Variants in CTDSP1 observed in about 807,000 individuals in gnomAD.
CTDSP1 encodes CTD small phosphatase 1.
CTDSP1 carries 15 observed loss-of-function variants against 32.5 expected under a neutral mutation model. The observed-to-expected ratio is 0.46, with a 90% CI of 0.31 to 0.71. CTDSP1 has a LOEUF of 0.71. Ranked by LOEUF, CTDSP1 falls within the 30% of genes least tolerant of loss-of-function variation. CTDSP1 has a pLI of 0.05. For missense variants in CTDSP1, 294 were observed against 351.1 expected, an observed-to-expected ratio of 0.84 and a Z score of 1.30; for synonymous variants, 185 against 145.4, an observed-to-expected ratio of 1.27 and a Z score of -1.96.
chr2:218,398,617 C>T, upstream of CTDSP1: 2 of 516,532 alleles, frequency 3.9e-6, no homozygotes, highest in South Asian at 3.2e-5. Flanking sequence ...GGCTCCCCCT[C>T]GGCAGGGCCT....
At chr2:218,400,878 G>A (rs1403632271) in intron 1 of CTDSP1, 3 of 455,914 alleles carry the variant, frequency 6.6e-6, no homozygotes, top group African/African-American at 2.0e-5. Context: ...TGGACCTCAG[G>A]ATCTGGACGC....
chr2:218,403,641 G>C, intron 6 of CTDSP1: 1 of 456,546 alleles, frequency 2.2e-6, no homozygotes, highest in Non-Finnish European at 3.8e-6. Flanking sequence ...CCATGCACAG[G>C]GGCCCCCACA....
chr2:218,401,823 TGCAGAGTAGGAGGGTG>T, intron 2 of CTDSP1, 111 bp downstream of exon 2: 1 of 1,107,836 alleles, frequency 9.0e-7, no homozygotes, highest in Non-Finnish European at 1.3e-6. Flanking sequence ...ACCTGAAAGG[TGCAGAGTAGGAGGGTG>T]GCAGCCTCCC....
At chr2:218,398,226 G>C, upstream of CTDSP1, 1 of 596,356 alleles carries the variant, frequency 1.7e-6, no homozygotes, top group East Asian at 3.2e-5. Context: ...TCCCAGGCTG[G>C]AATCCCGCCT....
chr2:218,402,557 G>C (rs1697204846), intron 4 of CTDSP1, 152 bp downstream of exon 4: 14 of 832,130 alleles, frequency 1.7e-5, no homozygotes, highest in Non-Finnish European at 2.7e-5. Flanking sequence ...AAGTCACACA[G>C]AACCTCAAGG....
chr2:218,400,866 T>C, intron 1 of CTDSP1: 1 of 455,872 alleles, frequency 2.2e-6, no homozygotes, highest in South Asian at 1.5e-5. Context: ...CTTTTCCCCG[T>C]GTGGACCTCA....
rs543713782 is a variant in CTDSP1 at position 218,404,549 on chromosome 2, C to T, written c.*124C>T. The T allele has an allele frequency of 9.4e-5, 119 of 1,262,034 alleles. 1 individual carries two copies. Among genetic ancestry groups the T allele is most frequent in the African/African-American group, 8.1e-4 (55 of 67,656 alleles). 78.2% of individuals were successfully genotyped at this position (1,262,034 alleles called of 1,614,324 possible). On this transcript the variant is annotated 3_prime_UTR_variant, in exon 7 of 7. Transcript: ENST00000273062. ...CGCCACACTCAGTGCCATGGGGAAG[C>T]GGGCGTCTCCCCCACCAGCCCCACC...
rs1050876970 is a variant in CTDSP1, at chr2:218,404,809, G to C, written c.*384G>C. On this transcript the variant is annotated 3_prime_UTR_variant, in exon 7 of 7. Coordinates refer to ENST00000273062, the MANE Select transcript of CTDSP1 (RefSeq NM_021198.3). ...TGCCTTGGACCCCCAGTCTGGGAAC[G>C]GTGGACATCAAGTGCCTTGCATAGA... 5.4e-6 allele frequency: 1 copy of C among 186,512 alleles called. No homozygotes were observed. The highest frequency in any genetic ancestry group is 2.3e-5 in the African/African-American group (1 of 42,702). 11.6% of individuals were successfully genotyped at this position (186,512 alleles called of 1,614,324 possible).
intron 6 of CTDSP1, 21 bp downstream of exon 6, chr2:218,403,438 G>T (rs1697259088): frequency 6.4e-7 from 1 of 1,560,228 alleles, no homozygotes; most frequent in African/African-American, 1.3e-5. Flanking sequence ...GCTGGACTGG[G>T]ACTGGGACAG....
intron 1 of CTDSP1, 56 bp from the exon 2 acceptor site, chr2:218,401,508 C>G: frequency 1.3e-6 from 2 of 1,597,790 alleles, no homozygotes; most frequent in Non-Finnish European, 1.7e-6. Context: ...GGCACACATG[C>G]AGGATTCTGC....
upstream of CTDSP1, among the ~76,000 whole-genome samples, chr2:218,397,224 G>GGGCTA (rs1696855219): frequency 6.6e-6 from 1 of 152,190 alleles, no homozygotes; most frequent in African/African-American, 2.4e-5. Context: ...CCTGGGCAAA[G>GGGCTA]GGCTAGTGAT....
chr2:218,398,268 C>T (rs1312623793), upstream of CTDSP1: 1 of 759,362 alleles, frequency 1.3e-6, no homozygotes, highest in Non-Finnish European at 2.2e-6. Flanking sequence ...AAGCACGTCG[C>T]TTCCTTTCTT....
chr2:218,397,670 A>G (rs1696888262), upstream of CTDSP1, among the ~76,000 whole-genome samples: 1 of 152,110 alleles, frequency 6.6e-6, no homozygotes, highest in East Asian at 1.9e-4. Flanking sequence ...GACAAAAAAT[A>G]GAGTGCATAA....
At position 218,400,105 on chromosome 2, in the gene CTDSP1, C is replaced by A; in HGVS notation, c.15C>A (p.Ala5=). 4 of 1,537,364 alleles carry A rather than the reference C, an allele frequency of 2.6e-6. No individual in the cohort carries two copies. Among genetic ancestry groups the A allele is most frequent in the Non-Finnish European group, 2.6e-6 (3 of 1,141,884 alleles). The part of the protein sequence containing the change: MDSS[A]VITQISKEEA... ...CGCCCGGCCCCATGGACAGCTCGGC[C>A]GTCATTACTCAGATCAGCAAGGAGG... Residue 5 remains alanine, a synonymous_variant, in exon 1 of 7, where the codon GCC becomes GCA. Coordinates refer to ENST00000273062, the MANE Select transcript of CTDSP1 (RefSeq NM_021198.3).
intron 4 of CTDSP1, chr2:218,402,769 T>G: frequency 1.4e-6 from 1 of 726,490 alleles, no homozygotes; most frequent in Non-Finnish European, 2.6e-6. Flanking sequence ...ATTCCTGCAC[T>G]AGGCTGAGGT....
At chr2:218,398,891 G>C (rs1376785771), upstream of CTDSP1, 1 of 153,650 alleles carries the variant, frequency 6.5e-6, no homozygotes, top group East Asian at 1.9e-4. Flanking sequence ...AGGGACCTCC[G>C]TTCCCAAGTG....
chr2:218,400,186 G>A, intron 1 of CTDSP1, 29 bp downstream of exon 1: 1 of 1,526,920 alleles, frequency 6.5e-7, no homozygotes, highest in African/African-American at 1.4e-5. Flanking sequence ...GGGGGCCGAA[G>A]CCGGGGCGCC....
chr2:218,400,852 T>G, intron 1 of CTDSP1: 1 of 456,160 alleles, frequency 2.2e-6, no homozygotes, highest in Middle Eastern at 3.3e-4. Flanking sequence ...GGGTCTGTCT[T>G]CTCCTTTTCC....
chr2:218,398,352 G>A, upstream of CTDSP1: 3 of 1,444,752 alleles, frequency 2.1e-6, no homozygotes, highest in Admixed American at 2.0e-5. Context: ...ATTAGGGGGC[G>A]CAGCCAGAGC....
Sources: allele counts gnomAD v4.1 joint callset (sites outside exome capture counted in the v4.1 genomes callset), GRCh38; gene constraint gnomAD v4.1.1; transcripts MANE v1.5; gene names NCBI Gene and HGNC (gene_info 2026-07-23, HGNC 2026-07-21).